CTNNA3: variants seen among roughly 807,000 people sequenced by gnomAD.
CTNNA3 encodes the protein catenin alpha 3, also known as catenin alpha-3.
Under a neutral mutation model 95.7 loss-of-function variants are expected in CTNNA3, and 76 were observed. The observed-to-expected ratio is 0.79, with a 90% CI of 0.66 to 0.96. The LOEUF (loss-of-function observed/expected upper bound fraction) is 0.96, where lower values mean the gene tolerates loss of function less well. Among genes scored for constraint, CTNNA3 ranks in the 40% least tolerant of loss-of-function variants. The pLI, the probability that CTNNA3 is intolerant of heterozygous loss-of-function variation, is 0.00. For missense variants in CTNNA3, 1,191 were observed against 1,089.8 expected (o/e 1.09, Z -1.31); for synonymous variants, 431 against 374.4 (o/e 1.15, Z -1.74).
At chr10:66,608,601 G>A (rs937143655) in intron 10 of CTNNA3, among the ~76,000 whole-genome samples, 11 of 151,822 alleles carry the variant, frequency 7.2e-5, no homozygotes, top group Non-Finnish European at 1.2e-4. Context: ...AGAGACCAAT[G>A]GAATAGAATA....
At chr10:67,422,398 T>C (rs1016035612) in intron 5 of CTNNA3, among the ~76,000 whole-genome samples, 5 of 152,188 alleles carry the variant, frequency 3.3e-5, no homozygotes, top group Admixed American at 2.0e-4. Context: ...GGAAATGATA[T>C]ACATTGTAAA....
chr10:67,095,148 A>G (rs1388269677), intron 7 of CTNNA3, among the ~76,000 whole-genome samples: 1 of 151,574 alleles, frequency 6.6e-6, no homozygotes, highest in African/African-American at 2.4e-5. Flanking sequence ...AACCTGGGAA[A>G]AATCTACTGT....
At chr10:67,663,074 C>T (rs1240993643) in intron 1 of CTNNA3, among the ~76,000 whole-genome samples, 1 of 152,118 alleles carries the variant, frequency 6.6e-6, no homozygotes, top group Admixed American at 6.5e-5. Flanking sequence ...TCTTGTACAT[C>T]TGTCAATTTA....
Position 67,372,494 on chromosome 10 carries a change from G to A in CTNNA3, c.579+149348C>T, listed in dbSNP as rs1420570542. ...GACTATGTGAAAAGACCAAATCTAC[G>A]TCTGATTGGTGTACCTGAAAGTGAT... On this transcript the variant is annotated intron_variant, in intron 5 of 17. Transcript: ENST00000433211. Among the ~76,000 whole-genome samples the A allele has an allele frequency of 3.3e-5, 5 of 152,116 alleles. No individual in the cohort carries two copies. In the East Asian group the frequency reaches 5.8e-4, roughly 18 times the overall value.
At chr10:67,188,323 CG>C (rs2132165589) in intron 6 of CTNNA3, among the ~76,000 whole-genome samples, 1 of 152,112 alleles carries the variant, frequency 6.6e-6, no homozygotes, top group Admixed American at 6.5e-5. Context: ...TAGTGAAACC[CG>C]TTTCTACAAA....
In CTNNA3 at chr10:66,332,782, G is replaced by A. The variant is rs192878462; in HGVS notation, c.1732+46370C>T. 3.5e-3 allele frequency among the ~76,000 whole-genome samples: 528 copies of A among 152,096 alleles called. 5 individuals are homozygous for A. Among genetic ancestry groups the A allele is most frequent in the African/African-American group, 0.012 (490 of 41,532 alleles). On this transcript the variant is annotated intron_variant, in intron 12 of 17. Transcript: ENST00000433211. ...GGATTCCCTCTTTTTCTATTGATTCGAATAGTTTCAGAAGGAATGGTACCA... is the reference window on the plus strand; with the variant it reads ...GGATTCCCTCTTTTTCTATTGATTCAAATAGTTTCAGAAGGAATGGTACCA...
intron 7 of CTNNA3, among the ~76,000 whole-genome samples, chr10:66,781,337 A>G (rs543833968): frequency 6.6e-6 from 1 of 152,306 alleles, no homozygotes; most frequent in Non-Finnish European, 1.5e-5. Flanking sequence ...CCTTAAACTT[A>G]GTTCTTCTCT....
At chr10:66,520,467 G>T (rs1278421916) in intron 11 of CTNNA3, 150 bp downstream of exon 11, 3 of 567,064 alleles carry the variant, frequency 5.3e-6, no homozygotes, top group Non-Finnish European at 8.8e-6. Context: ...GGCCAGGCTG[G>T]TATCGAATCC....
At chr10:66,912,214 C>G (rs946527476) in intron 7 of CTNNA3, among the ~76,000 whole-genome samples, 3 of 152,090 alleles carry the variant, frequency 2.0e-5, no homozygotes, top group South Asian at 2.1e-4. Flanking sequence ...CACACTCACC[C>G]TCACACACCA....
intron 7 of CTNNA3, among the ~76,000 whole-genome samples, chr10:66,899,697 C>T (rs547953179): frequency 6.6e-6 from 1 of 152,150 alleles, no homozygotes; most frequent in Non-Finnish European, 1.5e-5. Flanking sequence ...CAGGCGATTC[C>T]CTCCCATGTC....
intron 12 of CTNNA3, among the ~76,000 whole-genome samples, chr10:66,308,454 A>C (rs930041951): frequency 6.6e-6 from 1 of 152,198 alleles, no homozygotes; most frequent in African/African-American, 2.4e-5. Flanking sequence ...AAATGACTTT[A>C]TTTCAGACTT....
At chr10:67,107,241 G>C (rs1317747877) in intron 7 of CTNNA3, among the ~76,000 whole-genome samples, 1 of 152,154 alleles carries the variant, frequency 6.6e-6, no homozygotes, top group African/African-American at 2.4e-5. Flanking sequence ...TTGCCTAAAA[G>C]CTCAGAGCCA....
intron 5 of CTNNA3, among the ~76,000 whole-genome samples, chr10:67,445,714 G>C (rs1846720937): frequency 6.6e-6 from 1 of 152,140 alleles, no homozygotes; most frequent in African/African-American, 2.4e-5. Context: ...AAGGTAGGCT[G>C]AGTTTAAGCA....
intron 7 of CTNNA3, chr10:67,097,600 T>C (rs1179521268): frequency 5.0e-6 from 8 of 1,612,152 alleles, no homozygotes; most frequent in Non-Finnish European, 5.1e-6. Flanking sequence ...CCTTTATCAA[T>C]GAATGTGTCA....
At chr10:66,828,257 T>C (rs1227216557) in intron 7 of CTNNA3, among the ~76,000 whole-genome samples, 1 of 152,222 alleles carries the variant, frequency 6.6e-6, no homozygotes, top group Non-Finnish European at 1.5e-5. Context: ...GACTATCTCC[T>C]GGTAACTGAA....
At chr10:67,483,283 T>C (rs1348845516) in intron 5 of CTNNA3, among the ~76,000 whole-genome samples, 3 of 148,318 alleles carry the variant, frequency 2.0e-5, no homozygotes, top group Non-Finnish European at 2.9e-5. Context: ...ACCCAAAGGA[T>C]TATAAATCAT....
At chr10:66,978,960 CTTTT>C (rs34112681) in intron 7 of CTNNA3, among the ~76,000 whole-genome samples, 2 of 83,780 alleles carry the variant, frequency 2.4e-5, no homozygotes, top group Non-Finnish European at 4.4e-5. Flanking sequence ...TACTTATTTC[CTTTT>C]TTTTTTTTTT....
intron 7 of CTNNA3, among the ~76,000 whole-genome samples, chr10:66,913,467 A>G (rs1323803823): frequency 6.6e-6 from 1 of 152,134 alleles, no homozygotes; most frequent in Admixed American, 6.5e-5. Flanking sequence ...ATCTGTCATG[A>G]GAAATCCATA....
At position 67,751,748 on chromosome 10, in the gene CTNNA3, A is replaced by T. The variant is rs566592421; in HGVS notation, c.-2+11686T>A. Among the ~76,000 whole-genome samples, 357 of 151,696 alleles carry T rather than the reference A, an allele frequency of 2.4e-3. 11 individuals carry two copies. Among genetic ancestry groups the T allele is most frequent in the Non-Finnish European group, 6.9e-4 (47 of 67,944 alleles). On this transcript the variant is annotated intron_variant, in intron 1 of 17. Coordinates refer to the CTNNA3 transcript ENST00000684154. ...TGATAAATTCCAGGACACATACATCATCTCAAGACTAAACCAAGAAAAATT... is the reference window on the plus strand; with the variant it reads ...TGATAAATTCCAGGACACATACATCTTCTCAAGACTAAACCAAGAAAAATT...
Sources: gnomAD v4.1 joint callset for allele counts (sites outside exome capture counted in the v4.1 genomes callset) on GRCh38, gnomAD v4.1.1 for gene constraint, MANE v1.5 for transcripts, NCBI Gene and HGNC (gene_info 2026-07-23, HGNC 2026-07-21) for gene names.